Variants in NKAIN2 observed in about 807,000 individuals in gnomAD.
The protein encoded by NKAIN2 is sodium/potassium-transporting ATPase subunit beta-1-interacting protein 2.
A neutral mutation model predicts 32.6 loss-of-function variants in NKAIN2; 14 were observed. The observed-to-expected ratio is 0.43, with a 90% CI of 0.28 to 0.67. NKAIN2 has a LOEUF of 0.67. NKAIN2 is among the 30% of genes least tolerant of loss of function. The probability of loss-of-function intolerance (pLI) is 0.17; values close to 1 mark genes in which losing one functional copy is unlikely to be tolerated. For synonymous variants in NKAIN2, 80 were observed against 87.2 expected (o/e 0.92, Z 0.46); for missense variants, 198 against 258.3 (o/e 0.77, Z 1.60).
At chr6:124,478,913 A>G (rs1483990746) in intron 3 of NKAIN2, among the ~76,000 whole-genome samples, 1 of 152,178 alleles carries the variant, frequency 6.6e-6, no homozygotes, top group African/African-American at 2.4e-5. Context: ...TTAGCCAGAT[A>G]ACTAAGGATA....
intron 3 of NKAIN2, among the ~76,000 whole-genome samples, chr6:124,463,698 T>C (rs1183525097): frequency 6.6e-6 from 1 of 152,182 alleles, no homozygotes; most frequent in Non-Finnish European, 1.5e-5. Flanking sequence ...CACTTTTCTC[T>C]GAACTCCCAT....
Position 124,581,301 on chromosome 6 carries a change from C to T in NKAIN2, c.274-76885C>T, listed in dbSNP as rs964791990. 3.3e-5 allele frequency among the ~76,000 whole-genome samples: 5 copies of T among 151,492 alleles called. No homozygotes were observed. The East Asian group carries it at 5.8e-4, about 18-fold the overall frequency. On this transcript the variant is annotated intron_variant, in intron 3 of 6. Transcript: ENST00000368417. ...AAAAATACAAAAAATTAGCCAGGCG[C>T]GGTGGCGGGCGCCTGTAGTCCCAGC...
At position 124,598,676 on chromosome 6, in the gene NKAIN2, G is replaced by GAA. The variant is rs34291555; in HGVS notation, c.274-59496_274-59495dup. 5.9e-3 allele frequency among the ~76,000 whole-genome samples: 844 copies of GAA among 142,040 alleles called. 7 individuals carry two copies. The highest frequency in any genetic ancestry group is 0.015 in the African/African-American group (565 of 37,642). 93.2% of individuals were successfully genotyped at this position (142,040 alleles called of 152,430 possible). On this transcript the variant is annotated intron_variant, in intron 3 of 6. Transcript: ENST00000368417. ...AATAGAGAAGTACAGTGAAGATTTTGAAAAAAAAAAAAAAATTATACTATT... is the reference window on the plus strand; with the variant it reads ...AATAGAGAAGTACAGTGAAGATTTTGAAAAAAAAAAAAAAAAATTATACTATT...
At chr6:123,866,816 A>G (rs573448419) in intron 1 of NKAIN2, among the ~76,000 whole-genome samples, 1 of 152,188 alleles carries the variant, frequency 6.6e-6, no homozygotes, top group Non-Finnish European at 1.5e-5. Flanking sequence ...CTTAGTTATG[A>G]TAGCCTTACT....
chr6:124,444,375 C>A (rs923289940), intron 3 of NKAIN2, among the ~76,000 whole-genome samples: 6 of 151,938 alleles, frequency 3.9e-5, no homozygotes, highest in Non-Finnish European at 7.4e-5. Flanking sequence ...AGATTTGATT[C>A]TACATATTTT....
intron 3 of NKAIN2, among the ~76,000 whole-genome samples, chr6:124,542,075 T>A (rs1038836212): frequency 3.9e-5 from 6 of 152,114 alleles, no homozygotes; most frequent in African/African-American, 1.4e-4. Context: ...AAACTGGCTA[T>A]GAATTTCAAA....
At chr6:124,371,397 T>A (rs1404230208) in intron 3 of NKAIN2, among the ~76,000 whole-genome samples, 2 of 151,926 alleles carry the variant, frequency 1.3e-5, no homozygotes, top group Non-Finnish European at 2.9e-5. Context: ...CCATTGTTTT[T>A]TAACAGTGTA....
intron 5 of NKAIN2, among the ~76,000 whole-genome samples, chr6:124,808,552 C>T (rs1340269485): frequency 1.3e-5 from 2 of 152,282 alleles, no homozygotes; most frequent in East Asian, 1.9e-4. Context: ...AAACTGGAAG[C>T]ATTCCCTTTG....
chr6:124,263,524 C>G (rs1404209062), intron 1 of NKAIN2, among the ~76,000 whole-genome samples: 6 of 152,264 alleles, frequency 3.9e-5, no homozygotes, highest in Middle Eastern at 3.4e-3. Flanking sequence ...AAGAGATACT[C>G]TGTAGACTCT....
intron 5 of NKAIN2, among the ~76,000 whole-genome samples, chr6:124,797,740 T>A (rs1355239158): frequency 6.6e-6 from 1 of 152,166 alleles, no homozygotes; most frequent in African/African-American, 2.4e-5. Flanking sequence ...TTTCTCCAGT[T>A]TGTCAGGATC....
intron 2 of NKAIN2, among the ~76,000 whole-genome samples, chr6:124,301,196 C>T (rs371757593): frequency 7.2e-5 from 11 of 152,162 alleles, no homozygotes; most frequent in African/African-American, 2.4e-4. Flanking sequence ...AGGTACAGCT[C>T]GGGCCATGGC....
chr6:124,790,511 T>A (rs1779700649), intron 4 of NKAIN2, among the ~76,000 whole-genome samples: 1 of 152,104 alleles, frequency 6.6e-6, no homozygotes, highest in Non-Finnish European at 1.5e-5. Flanking sequence ...CCTTTAAGGA[T>A]TCCTCCAAAC....
chr6:124,417,445 A>G (rs1774542248), intron 3 of NKAIN2, among the ~76,000 whole-genome samples: 1 of 152,148 alleles, frequency 6.6e-6, no homozygotes, highest in African/African-American at 2.4e-5. Context: ...AGACTGTAAT[A>G]TGTAAAAAAT....
chr6:124,747,940 T>C (rs796929188), intron 4 of NKAIN2, among the ~76,000 whole-genome samples: 2 of 152,068 alleles, frequency 1.3e-5, no homozygotes, highest in South Asian at 4.1e-4. Flanking sequence ...GTTACAATAG[T>C]GCTTCACAAA....
chr6:123,848,709 G>A (rs2114951713), intron 1 of NKAIN2, among the ~76,000 whole-genome samples: 1 of 152,252 alleles, frequency 6.6e-6, no homozygotes, highest in East Asian at 1.9e-4. Context: ...TAAGGACTGG[G>A]GATGATTTGA....
At chr6:124,086,689 A>G (rs1784202569) in intron 1 of NKAIN2, among the ~76,000 whole-genome samples, 1 of 151,944 alleles carries the variant, frequency 6.6e-6, no homozygotes, top group Non-Finnish European at 1.5e-5. Flanking sequence ...AAATTTGATA[A>G]TTATGATGAA....
chr6:124,659,845 T>C (rs1017470164), intron 4 of NKAIN2, among the ~76,000 whole-genome samples: 2 of 152,056 alleles, frequency 1.3e-5, no homozygotes, highest in African/African-American at 4.8e-5. Flanking sequence ...GGGCTGTTTA[T>C]TTGGAAATCA....
At chr6:124,553,747 A>T in intron 3 of NKAIN2, among the ~76,000 whole-genome samples, 1 of 152,226 alleles carries the variant, frequency 6.6e-6, no homozygotes, top group East Asian at 1.9e-4. Context: ...GTTTAATTGA[A>T]TCCTAGTCTG....
intron 1 of NKAIN2, among the ~76,000 whole-genome samples, chr6:124,199,340 A>G (rs975957353): frequency 6.6e-6 from 1 of 152,224 alleles, no homozygotes; most frequent in Non-Finnish European, 1.5e-5. Context: ...GGTGAATGCG[A>G]GATCTGGCTG....
Sources: allele counts gnomAD v4.1 joint callset (sites outside exome capture counted in the v4.1 genomes callset), GRCh38; gene constraint gnomAD v4.1.1; transcripts MANE v1.5; gene names NCBI Gene and HGNC (gene_info 2026-07-23, HGNC 2026-07-21).